The following INSL6 variants were observed in gnomAD, a reference collection of about 807,000 sequenced individuals.
INSL6 encodes the protein insulin like 6.
INSL6 carries 16 observed loss-of-function variants against 9.4 expected under a neutral mutation model. That is an observed-to-expected ratio of 1.70 (90% CI 1.15 to 2.59). The LOEUF is 2.59. Among genes scored for constraint, INSL6 ranks in the 30% most tolerant of loss-of-function variants. INSL6 has a pLI of 0.00. For missense variants in INSL6, 391 were observed against 257.3 expected (o/e 1.52, Z -3.56); for synonymous variants, 154 against 96.9 (o/e 1.59, Z -3.46).
chr9:5,022,088 A>C, the INSL6 span: 1 of 1,613,844 alleles, frequency 6.2e-7, no homozygotes, highest in East Asian at 2.2e-5. Flanking sequence ...TCTATGAAGC[A>C]AATAGATCCA....
chr9:5,059,255 C>G, the INSL6 span, among the ~76,000 whole-genome samples: 1 of 152,238 alleles, frequency 6.6e-6, no homozygotes, highest in African/African-American at 2.4e-5. Flanking sequence ...ACTTAAGATA[C>G]CTATCATCTA....
downstream of INSL6, among the ~76,000 whole-genome samples, chr9:5,120,071 T>A (rs1823497366): frequency 6.6e-6 from 1 of 152,150 alleles, no homozygotes; most frequent in Middle Eastern, 3.2e-3. Flanking sequence ...CTTCTAGAGG[T>A]TAGGAGTCCA....
At chr9:5,154,329 G>A (rs1384179836) in intron 2 of INSL6, among the ~76,000 whole-genome samples, 1 of 152,128 alleles carries the variant, frequency 6.6e-6, no homozygotes, top group African/African-American at 2.4e-5. Flanking sequence ...AATTCAAGAT[G>A]GATTAAAGAC....
the INSL6 span, among the ~76,000 whole-genome samples, chr9:5,067,080 C>G: frequency 6.6e-6 from 1 of 151,922 alleles, no homozygotes; most frequent in African/African-American, 2.4e-5. Flanking sequence ...CATCAAGTGT[C>G]TTGATGTTTC....
At chr9:5,057,730 C>T in the INSL6 span, among the ~76,000 whole-genome samples, 1 of 151,746 alleles carries the variant, frequency 6.6e-6, no homozygotes, top group Non-Finnish European at 1.5e-5. Context: ...TACAGGTGCA[C>T]GCCACCATGC....
chr9:5,170,680 T>C (rs1407419307), intron 1 of INSL6, among the ~76,000 whole-genome samples: 2 of 148,990 alleles, frequency 1.3e-5, no homozygotes, highest in Non-Finnish European at 3.0e-5. Context: ...CCCACAGAAA[T>C]ACAAACAACC....
At chr9:5,076,284 T>C in the INSL6 span, among the ~76,000 whole-genome samples, 2 of 152,288 alleles carry the variant, frequency 1.3e-5, no homozygotes, top group Non-Finnish European at 1.5e-5. Flanking sequence ...CTACTGTGGG[T>C]AGAAGGCTAT....
chr9:5,085,785 T>C, the INSL6 span: 2 of 755,218 alleles, frequency 2.6e-6, no homozygotes, highest in East Asian at 2.5e-5. Flanking sequence ...ATGATGAATA[T>C]TACATGCTCG....
At chr9:5,065,489 G>C in the INSL6 span, among the ~76,000 whole-genome samples, 1 of 152,202 alleles carries the variant, frequency 6.6e-6, no homozygotes, top group Non-Finnish European at 1.5e-5. Context: ...ACTTCCTGCA[G>C]CGATGAAAAT....
chr9:5,088,418 C>G, the INSL6 span, among the ~76,000 whole-genome samples: 1 of 152,088 alleles, frequency 6.6e-6, no homozygotes, highest in African/African-American at 2.4e-5. Context: ...GCAATAATAT[C>G]CAAAATACAC....
the INSL6 span, chr9:5,112,962 C>A: frequency 4.9e-6 from 1 of 203,626 alleles, no homozygotes; most frequent in South Asian, 1.5e-4. Flanking sequence ...CAACTGTTGT[C>A]AGCATTGAGC....
At chr9:5,117,522 AATAAG>A in the INSL6 span, among the ~76,000 whole-genome samples, 3 of 152,202 alleles carry the variant, frequency 2.0e-5, no homozygotes, top group African/African-American at 7.2e-5. Context: ...TTCCAGAGGC[AATAAG>A]ATATGTTTTC....
the INSL6 span, chr9:5,068,889 A>G: frequency 1.8e-6 from 1 of 554,260 alleles, no homozygotes; most frequent in East Asian, 3.0e-5. Flanking sequence ...CTATCACTAT[A>G]CTGGCACTAC....
At chr9:5,132,176 G>A (rs898124326) in intron 3 of INSL6, 5 of 152,054 alleles carry the variant, frequency 3.3e-5, no homozygotes, top group Non-Finnish European at 5.9e-5. Context: ...TCCTTAAGAA[G>A]GCACCATTCA....
intron 1 of INSL6, among the ~76,000 whole-genome samples, chr9:5,170,043 A>AC (rs1257248607): frequency 6.6e-6 from 1 of 152,148 alleles, no homozygotes; most frequent in Non-Finnish European, 1.5e-5. Context: ...GAACTCTCCA[A>AC]CCCCAAACAA....
At chr9:5,035,946 T>C in the INSL6 span, among the ~76,000 whole-genome samples, 7 of 152,222 alleles carry the variant, frequency 4.6e-5, no homozygotes, top group Non-Finnish European at 1.0e-4. Flanking sequence ...AAATTGTCCC[T>C]GTTTGCAGAT....
At chr9:5,029,006 C>T in the INSL6 span, among the ~76,000 whole-genome samples, 1 of 152,168 alleles carries the variant, frequency 6.6e-6, no homozygotes, top group Non-Finnish European at 1.5e-5. Flanking sequence ...TCTTTGCATT[C>T]AGAACTTGAT....
the INSL6 span, among the ~76,000 whole-genome samples, chr9:5,001,459 C>T: frequency 6.6e-6 from 1 of 152,096 alleles, no homozygotes; most frequent in African/African-American, 2.4e-5. Flanking sequence ...TGGTTTTGCT[C>T]CATTATTCTG....
chr9:5,119,891 CAATGA>C (rs750097700), downstream of INSL6, among the ~76,000 whole-genome samples: 95 of 151,938 alleles, frequency 6.3e-4, no homozygotes, highest in Non-Finnish European at 1.1e-3. Context: ...ATATTTTATA[CAATGA>C]AATGAAGTTC....
Sources: allele counts gnomAD v4.1 joint callset (sites outside exome capture counted in the v4.1 genomes callset), GRCh38; gene constraint gnomAD v4.1.1; transcripts MANE v1.5; gene names NCBI Gene and HGNC (gene_info 2026-07-23, HGNC 2026-07-21).